GTF2F2: variants seen among roughly 807,000 people sequenced by gnomAD.
The protein encoded by GTF2F2 is general transcription factor IIF subunit 2.
GTF2F2 carries 23 observed loss-of-function variants against 42.2 expected under a neutral mutation model. The observed-to-expected ratio is 0.55, with a 90% CI of 0.39 to 0.77. GTF2F2 has a LOEUF of 0.77. GTF2F2 is among the 30% of genes least tolerant of loss of function. The probability of loss-of-function intolerance (pLI) is 0.00; values close to 1 mark genes in which losing one functional copy is unlikely to be tolerated. For missense variants in GTF2F2, 261 were observed against 287.2 expected, an observed-to-expected ratio of 0.91 and a Z score of 0.66; for synonymous variants, 105 against 100.8, an observed-to-expected ratio of 1.04 and a Z score of -0.25.
chr13:45,256,603 G>A (rs993639640), intron 6 of GTF2F2, among the ~76,000 whole-genome samples: 1 of 151,868 alleles, frequency 6.6e-6, no homozygotes, highest in Non-Finnish European at 1.5e-5. Flanking sequence ...ATTTCTTTTG[G>A]GAGTAAACCA....
At chr13:45,154,253 G>C (rs970685143) in intron 4 of GTF2F2, among the ~76,000 whole-genome samples, 1 of 152,008 alleles carries the variant, frequency 6.6e-6, no homozygotes, top group Non-Finnish European at 1.5e-5. Flanking sequence ...TTTTTTGAAA[G>C]CATGATTTAT....
chr13:45,139,733 C>CT (rs1869827990), intron 2 of GTF2F2, among the ~76,000 whole-genome samples: 1 of 152,300 alleles, frequency 6.6e-6, no homozygotes, highest in African/African-American at 2.4e-5. Flanking sequence ...AGTATAAACT[C>CT]TACCAGGTCA....
chr13:45,235,164 CTT>C (rs1220898894), intron 5 of GTF2F2, among the ~76,000 whole-genome samples: 1 of 149,378 alleles, frequency 6.7e-6, no homozygotes, highest in Non-Finnish European at 1.5e-5. Flanking sequence ...ATTGTCAACA[CTT>C]TGTCAATATG....
At chr13:45,253,056 G>T in intron 6 of GTF2F2, 86 bp downstream of exon 6, 1 of 566,774 alleles carries the variant, frequency 1.8e-6, no homozygotes. Flanking sequence ...AAGAACCTGA[G>T]AATTTACACA....
chr13:45,126,554 G>A (rs1306230319), intron 1 of GTF2F2, among the ~76,000 whole-genome samples: 2 of 152,154 alleles, frequency 1.3e-5, no homozygotes, highest in Non-Finnish European at 2.9e-5. Context: ...CCAGCGACAA[G>A]AACCACTTTC....
chr13:45,177,122 G>A (rs1296398797), intron 4 of GTF2F2, among the ~76,000 whole-genome samples: 1 of 151,844 alleles, frequency 6.6e-6, no homozygotes, highest in Non-Finnish European at 1.5e-5. Context: ...GTGAGATAGG[G>A]GTCAAATTGT....
At chr13:45,159,611 T>C (rs1401564533) in intron 4 of GTF2F2, among the ~76,000 whole-genome samples, 1 of 152,184 alleles carries the variant, frequency 6.6e-6, no homozygotes, top group African/African-American at 2.4e-5. Flanking sequence ...AATTACAGAC[T>C]ACAGACGTGC....
chr13:45,179,162 G>A (rs937564142), intron 4 of GTF2F2, among the ~76,000 whole-genome samples: 1 of 152,186 alleles, frequency 6.6e-6, no homozygotes, highest in Non-Finnish European at 1.5e-5. Context: ...CAGATTCAAA[G>A]CAAGGGAAAA....
intron 2 of GTF2F2, among the ~76,000 whole-genome samples, chr13:45,139,853 C>T (rs149508688): frequency 6.6e-6 from 1 of 152,148 alleles, no homozygotes; most frequent in East Asian, 1.9e-4. Context: ...TCCCTCAGTA[C>T]CTGCAGGAGA....
chr13:45,169,389 G>A (rs1433093513), intron 4 of GTF2F2, among the ~76,000 whole-genome samples: 6 of 152,164 alleles, frequency 3.9e-5, no homozygotes, highest in Non-Finnish European at 7.3e-5. Context: ...CCCAGGAGCT[G>A]AGCCTTAGAA....
chr13:45,197,876 A>G (rs7338358), intron 4 of GTF2F2, among the ~76,000 whole-genome samples: 53,555 of 152,138 alleles, frequency 0.35, 12,882 homozygotes, highest in African/African-American at 0.68. Flanking sequence ...GCTCAATTTA[A>G]TGGTTTCAGC....
chr13:45,233,951 G>GA (rs1874818554), intron 5 of GTF2F2, among the ~76,000 whole-genome samples: 1 of 152,056 alleles, frequency 6.6e-6, no homozygotes, highest in African/African-American at 2.4e-5. Context: ...GCCACAGTTG[G>GA]AAAAAAATAA....
chr13:45,182,846 C>T (rs1872230670), intron 4 of GTF2F2, among the ~76,000 whole-genome samples: 1 of 152,072 alleles, frequency 6.6e-6, no homozygotes, highest in Non-Finnish European at 1.5e-5. Context: ...TGCCAGTCCC[C>T]CTTTTTCTTT....
intron 7 of GTF2F2, among the ~76,000 whole-genome samples, chr13:45,270,492 C>CTCTCT (rs1876745068): frequency 6.6e-6 from 1 of 152,058 alleles, no homozygotes; most frequent in African/African-American, 2.4e-5. Context: ...TAGCTCAGGT[C>CTCTCT]TCTCTTCCTC....
intron 4 of GTF2F2, among the ~76,000 whole-genome samples, chr13:45,188,149 A>G (rs1593479500): frequency 6.6e-6 from 1 of 151,972 alleles, no homozygotes; most frequent in Non-Finnish European, 1.5e-5. Context: ...CAAGTGATCC[A>G]CCCGCCTTGG....
chr13:45,152,006 C>T (rs1037101463), intron 4 of GTF2F2, among the ~76,000 whole-genome samples, 175 bp downstream of exon 4: 1 of 148,508 alleles, frequency 6.7e-6, no homozygotes, highest in Admixed American at 6.8e-5. Flanking sequence ...ACCTCCATCT[C>T]CTGGGTTCAA....
chr13:45,182,703 A>G (rs1872224595), intron 4 of GTF2F2, among the ~76,000 whole-genome samples: 1 of 152,010 alleles, frequency 6.6e-6, no homozygotes, highest in African/African-American at 2.4e-5. Context: ...TTTTTAGTTC[A>G]TTTTTAGAAA....
chr13:45,149,930 C>A, intron 3 of GTF2F2, 142 bp downstream of exon 3: 1 of 692,794 alleles, frequency 1.4e-6, no homozygotes. Flanking sequence ...GGTATAAATG[C>A]CACCCTTGTG....
chr13:45,177,428 G>A (rs889202626), intron 4 of GTF2F2, among the ~76,000 whole-genome samples: 1 of 152,168 alleles, frequency 6.6e-6, no homozygotes, highest in Non-Finnish European at 1.5e-5. Flanking sequence ...GTTTTAAACT[G>A]TACATTGTTC....
Sources: allele counts gnomAD v4.1 joint callset (sites outside exome capture counted in the v4.1 genomes callset), GRCh38; gene constraint gnomAD v4.1.1; transcripts MANE v1.5; gene names NCBI Gene and HGNC (gene_info 2026-07-23, HGNC 2026-07-21).